Variants in CAMK2A observed in about 807,000 individuals in gnomAD.
The protein encoded by CAMK2A is calcium/calmodulin dependent protein kinase II alpha, also known as calcium/calmodulin-dependent protein kinase type II subunit alpha.
In CAMK2A, 7 loss-of-function variants were observed where a neutral mutation model predicts 79.2. The ratio of observed to expected loss-of-function variants is 0.09; its 90% CI spans 0.05 to 0.17. The LOEUF (loss-of-function observed/expected upper bound fraction) is 0.17, where lower values mean the gene tolerates loss of function less well. CAMK2A is among the 10% of genes least tolerant of loss of function. CAMK2A has a pLI of 1.00. For missense variants in CAMK2A, 214 were observed against 646.4 expected (o/e 0.33, Z 7.25); for synonymous variants, 242 against 251.7 (o/e 0.96, Z 0.36).
At chr5:150,238,951 G>A (rs1381582568) in intron 14 of CAMK2A, among the ~76,000 whole-genome samples, 1 of 152,206 alleles carries the variant, frequency 6.6e-6, no homozygotes, top group African/African-American at 2.4e-5. Flanking sequence ...GGCCGGGTGG[G>A]GGAAAGGGAT....
At chr5:150,247,898 G>T in intron 11 of CAMK2A, 84 bp from the exon 12 acceptor site, 1 of 1,106,416 alleles carries the variant, frequency 9.0e-7, no homozygotes, top group Non-Finnish European at 1.4e-6. Context: ...AGGGCCACGG[G>T]GAAGGAGAGG....
chr5:150,265,724 T>C (rs1279255299), intron 2 of CAMK2A, among the ~76,000 whole-genome samples: 1 of 152,066 alleles, frequency 6.6e-6, no homozygotes, highest in Admixed American at 6.5e-5. Context: ...AGTGGATCAC[T>C]TGAGCTCAGG....
intron 15 of CAMK2A, among the ~76,000 whole-genome samples, chr5:150,232,664 G>A (rs944591562): frequency 1.2e-4 from 19 of 152,224 alleles, no homozygotes; most frequent in Non-Finnish European, 2.5e-4. Context: ...CACATTGCCA[G>A]GATTGCAAGC....
At position 150,259,975 on chromosome 5, in the gene CAMK2A, T is replaced by TA. The variant is rs1175933232; in HGVS notation, c.218-2359dup. Among the ~76,000 whole-genome samples the TA allele has an allele frequency of 1.7e-4, 25 of 147,520 alleles. No homozygotes were observed. The South Asian group carries it at 4.9e-3, about 29-fold the overall frequency. On this transcript the variant is annotated intron_variant, in intron 3 of 18. Transcript: ENST00000671881. ...CAGAGCAAGGCATCATCTCAAAAAA[T>TA]AAAAAAAATTAAAAATAAAAAAAAT...
At chr5:150,245,139 C>T (rs1276654858) in intron 13 of CAMK2A, 22 bp downstream of exon 13, 11 of 1,612,590 alleles carry the variant, frequency 6.8e-6, no homozygotes, top group Non-Finnish European at 8.5e-6. Flanking sequence ...CCAAGCCCTG[C>T]CAGGCTCCTG....
chr5:150,284,972 C>T lies in CAMK2A; in HGVS notation c.62+4592G>A, dbSNP rs911738865. Among the ~76,000 whole-genome samples, 3 of 103,066 alleles carry T rather than the reference C, an allele frequency of 2.9e-5. No homozygotes were observed. Among genetic ancestry groups the T allele is most frequent in the Admixed American group, 1.2e-4 (1 of 8,498 alleles). 67.6% of individuals were successfully genotyped at this position (103,066 alleles called of 152,430 possible). Reference sequence around the variant, plus strand: ...GGCATCTCCAGAGGTATTATGATCCCCATTTTACAGATGGTAAAGCCGAGG... The same window carrying T: ...GGCATCTCCAGAGGTATTATGATCCTCATTTTACAGATGGTAAAGCCGAGG... On this transcript the variant is annotated intron_variant, in intron 1 of 18. Transcript: ENST00000671881. The surrounding 1 kb of genome is among the most constrained non-coding windows in gnomAD (Gnocchi z 5.3).
intron 17 of CAMK2A, among the ~76,000 whole-genome samples, chr5:150,227,153 C>T (rs1182626679): frequency 6.6e-6 from 1 of 152,122 alleles, no homozygotes; most frequent in Non-Finnish European, 1.5e-5. Context: ...AATAATAAGG[C>T]CTGTGAAAAT....
Position 150,222,540 on chromosome 5 carries a change from A to C in CAMK2A, c.*170T>G, listed in dbSNP as rs115797668. The C allele has an allele frequency of 1.3e-6, 1 of 766,292 alleles. No individual in the cohort carries two copies. The highest frequency in any genetic ancestry group is 1.7e-5 in the African/African-American group (1 of 58,414). 47.5% of individuals were successfully genotyped at this position (766,292 alleles called of 1,614,324 possible). A position where few individuals can be genotyped will look rare whatever the true frequency, so the allele number is the denominator to read the frequency against. ...TGTGGCCGTTCGCTCTGAAGTTGCGATGACTTTTGTGAACAAGCAGGTTTT... is the reference window on the plus strand; with the variant it reads ...TGTGGCCGTTCGCTCTGAAGTTGCGCTGACTTTTGTGAACAAGCAGGTTTT... On this transcript the variant is annotated 3_prime_UTR_variant, in exon 19 of 19. Transcript: ENST00000671881.
intron 1 of CAMK2A, among the ~76,000 whole-genome samples, chr5:150,287,774 G>A (rs1481188870): frequency 6.6e-6 from 1 of 152,108 alleles, no homozygotes; most frequent in Non-Finnish European, 1.5e-5. Context: ...CAAGTTTGTA[G>A]ACAGCCTCAG....
At chr5:150,250,654 G>T (rs1755791412) in intron 10 of CAMK2A, 34 bp downstream of exon 10, 1 of 1,612,760 alleles carries the variant, frequency 6.2e-7, no homozygotes, top group Non-Finnish European at 8.5e-7. Context: ...GTCTGGAGGG[G>T]CTCCTGGGAG....
intron 15 of CAMK2A, among the ~76,000 whole-genome samples, chr5:150,236,971 C>T (rs967200838): frequency 6.6e-6 from 1 of 152,110 alleles, no homozygotes; most frequent in Non-Finnish European, 1.5e-5. Context: ...GTCACTGCAG[C>T]CTTAAACTCC....
chr5:150,250,830 C>T lies in CAMK2A; in HGVS notation c.694-20G>A. 1 of 1,611,036 alleles carries T rather than the reference C, an allele frequency of 6.2e-7. No homozygotes were observed. The stretch of plus-strand genomic sequence containing the variant: ...TGGGAACTGGAAGGGGCAGAGAGGC[C>T]AGGTTTGCCCAGCCTGCCCCAGGCC... On this transcript the variant is annotated intron_variant, in intron 9 of 18. Coordinates refer to ENST00000671881, the MANE Select transcript of CAMK2A (RefSeq NM_015981.4).
intron 2 of CAMK2A, among the ~76,000 whole-genome samples, chr5:150,271,642 C>T (rs1206168287): frequency 6.6e-6 from 1 of 152,182 alleles, no homozygotes; most frequent in Non-Finnish European, 1.5e-5. Context: ...CCCACCTCAC[C>T]CAACAGAATT....
intron 13 of CAMK2A, among the ~76,000 whole-genome samples, chr5:150,242,596 T>A (rs895194987): frequency 6.6e-6 from 1 of 152,206 alleles, no homozygotes; most frequent in Non-Finnish European, 1.5e-5. Flanking sequence ...CAGGCCCTTC[T>A]GGTGTGACCC....
chr5:150,256,867 G>T lies in CAMK2A; in HGVS notation c.273-36C>A. The T allele has an allele frequency of 6.4e-7, 1 of 1,568,802 alleles. No homozygotes were observed. The highest frequency in any genetic ancestry group is 8.7e-7 in the Non-Finnish European group (1 of 1,143,000). On this transcript the variant is annotated intron_variant, in intron 4 of 18. Transcript: ENST00000671881. This position sits in a 1 kb window ranked among gnomAD's most constrained non-coding sequence, Gnocchi z 4.6. Reference sequence around the variant, plus strand: ...AGGCATGGAATCACCCTCTAATAGAGGCGACAGGTGCTGCCTCATCTGGAG... The same window carrying T: ...AGGCATGGAATCACCCTCTAATAGATGCGACAGGTGCTGCCTCATCTGGAG...
chr5:150,283,591 A>G (rs1257665936), intron 1 of CAMK2A, among the ~76,000 whole-genome samples: 1 of 152,158 alleles, frequency 6.6e-6, no homozygotes, highest in Non-Finnish European at 1.5e-5. Flanking sequence ...TCACCGCCTC[A>G]GGGAACTTTC....
chr5:150,250,663 A>G, intron 10 of CAMK2A, 25 bp downstream of exon 10: 5 of 1,613,304 alleles, frequency 3.1e-6, no homozygotes, highest in Non-Finnish European at 4.2e-6. Flanking sequence ...GGCTCCTGGG[A>G]GAAGTCCTGC....
At chr5:150,257,404 T>G (rs947282589) in intron 4 of CAMK2A, among the ~76,000 whole-genome samples, 159 bp downstream of exon 4, 1 of 152,166 alleles carries the variant, frequency 6.6e-6, no homozygotes, top group Non-Finnish European at 1.5e-5. Context: ...TTGTTGGTGT[T>G]TTAGGAAAGT....
intron 15 of CAMK2A, 62 bp from the exon 16 acceptor site, chr5:150,231,442 A>G (rs1580899935): frequency 9.4e-6 from 5 of 534,362 alleles, no homozygotes; most frequent in South Asian, 6.5e-5. Flanking sequence ...AATAATAATA[A>G]TAGTGATGGT....
Sources: allele counts gnomAD v4.1 joint callset (sites outside exome capture counted in the v4.1 genomes callset), GRCh38; gene constraint gnomAD v4.1.1; non-coding constraint Gnocchi (gnomAD v3.1); transcripts MANE v1.5; gene names NCBI Gene and HGNC (gene_info 2026-07-23, HGNC 2026-07-21).